The following GOSR2 variants were observed in gnomAD, a reference collection of about 807,000 sequenced individuals.
GOSR2 encodes golgi SNAP receptor complex member 2, also known as 27 kDa Golgi SNARE protein.
A neutral mutation model predicts 27.9 loss-of-function variants in GOSR2; 20 were observed. The ratio of observed to expected loss-of-function variants is 0.72; its 90% confidence interval spans 0.50 to 1.04. The LOEUF is 1.04. Ranked by LOEUF, GOSR2 falls within the 50% of genes least tolerant of loss-of-function variation. GOSR2 has a pLI of 0.00. For synonymous variants in GOSR2, 91 were observed against 98.8 expected (o/e 0.92, Z 0.47); for missense variants, 261 against 270.5 (o/e 0.97, Z 0.25).
intron 5 of GOSR2, 120 bp downstream of exon 5, chr17:46,935,289 C>T (rs747793719): frequency 9.5e-6 from 15 of 1,580,650 alleles, no homozygotes; most frequent in African/African-American, 9.5e-5. Flanking sequence ...GATGACAAGA[C>T]AGAGCCCTTG....
chr17:46,925,376 G>T (rs1249974968), intron 1 of GOSR2, among the ~76,000 whole-genome samples: 1 of 152,204 alleles, frequency 6.6e-6, no homozygotes, highest in Non-Finnish European at 1.5e-5. Flanking sequence ...CCTACTATGT[G>T]CTGTGCACCA....
chr17:46,931,717 G>A, intron 3 of GOSR2: 1 of 342,664 alleles, frequency 2.9e-6, no homozygotes, highest in Non-Finnish European at 5.3e-6. Flanking sequence ...TTACCTCAAA[G>A]ATGCCCTTGG....
chr17:46,973,140 A>C (rs1252527321), intron 6 of GOSR2: 1 of 153,308 alleles, frequency 6.5e-6, no homozygotes, highest in Admixed American at 6.6e-5. Context: ...ACATGTGTAC[A>C]CGTATACCTT....
At position 46,929,589 on chromosome 17, in the gene GOSR2, G is replaced by A. The variant is rs754004382; in HGVS notation, c.94+5G>A. 42 of 1,403,792 alleles carry A rather than the reference G, an allele frequency of 3.0e-5. No individual in the cohort carries two copies. The highest frequency in any genetic ancestry group is 4.2e-5 in the Non-Finnish European group (41 of 987,798). The allele number at this position is 1,403,792 out of a possible 1,614,324, so 87.0% of individuals were successfully genotyped here. On this transcript the variant is annotated splice_donor_5th_base_variant and intron_variant, in intron 2 of 5. Transcript: ENST00000640051. ...CAGACAAGCAGTCTGTGCACAGTGA[G>A]TAATTAACTGTGGAGACCAGAGTCC... is the stretch of plus-strand genomic sequence containing the variant.
chr17:46,936,282 G>T (rs2088330022), intron 5 of GOSR2: 3 of 985,296 alleles, frequency 3.0e-6, no homozygotes, highest in African/African-American at 3.5e-5. Context: ...GGCCTTTTAG[G>T]ACCAAACTCC....
chr17:46,967,202 C>T (rs911817004), downstream of GOSR2, among the ~76,000 whole-genome samples: 3 of 152,232 alleles, frequency 2.0e-5, no homozygotes, highest in Non-Finnish European at 4.4e-5. Flanking sequence ...GTGTTACCTC[C>T]TGGTTTGGAG....
rs972777839 is a variant in GOSR2, at chr17:46,939,387, A to G, written c.*627A>G. On this transcript the variant is annotated 3_prime_UTR_variant, in exon 6 of 6. Transcript: ENST00000640051. ...GATAACAAGTAAGATTTTCCACACT[A>G]CAGCTGGGTGTTTCTCTTTTCTAAA... 1.0e-6 allele frequency: 1 copy of G among 998,126 alleles called. No homozygotes were observed. Among genetic ancestry groups the G allele is most frequent in the Non-Finnish European group, 1.2e-6 (1 of 836,026 alleles). The allele number at this position is 998,126 out of a possible 1,614,324, so 61.8% of individuals were successfully genotyped here.
Position 46,932,123 on chromosome 17 carries a change from TC to T in GOSR2, c.262del (p.Gln88SerfsTer55), listed in dbSNP as rs776869841. 3 of 1,613,886 alleles carry T rather than the reference TC, an allele frequency of 1.9e-6. No individual in the cohort carries two copies. The Admixed American group carries it at 5.0e-5, about 27-fold the overall frequency. On this transcript the variant is annotated frameshift_variant, in exon 4 of 6. Coordinates refer to ENST00000640051, the MANE Select transcript of GOSR2 (RefSeq NM_004287.5). LOFTEE classifies it high-confidence loss of function. ...VQHLQTALRN[F>X]QHRRHAREQQ... ...CACCTGCAGACTGCGCTCAGAAACT[TC>T]CAGCATCGGCGCCATGCAAGGGAGC...
intron 6 of GOSR2, among the ~76,000 whole-genome samples, chr17:46,950,046 C>T (rs1301074035): frequency 3.3e-5 from 5 of 152,252 alleles, no homozygotes; most frequent in African/African-American, 1.2e-4. Flanking sequence ...AACCAAATCC[C>T]AAAGAGAGGC....
intron 6 of GOSR2, among the ~76,000 whole-genome samples, chr17:46,974,987 C>CT (rs58438726): frequency 0.01 from 1,226 of 118,924 alleles, 78 homozygotes; most frequent in African/African-American, 0.038. Flanking sequence ...TTACTATTTT[C>CT]TTTTTTTTTT....
At chr17:46,928,711 C>T (rs2086858996) in intron 1 of GOSR2, among the ~76,000 whole-genome samples, 1 of 152,162 alleles carries the variant, frequency 6.6e-6, no homozygotes, top group Non-Finnish European at 1.5e-5. Flanking sequence ...GAATGGTTTC[C>T]TCCAGTGAGT....
intron 4 of GOSR2, chr17:46,933,095 T>G (rs565086473): frequency 6.6e-6 from 1 of 152,256 alleles, no homozygotes; most frequent in Admixed American, 6.5e-5. Context: ...TTCAAAAATT[T>G]AATGAACTAT....
chr17:46,961,193 GGGTAA>G (rs1345247872), intron 6 of GOSR2, among the ~76,000 whole-genome samples: 1 of 152,008 alleles, frequency 6.6e-6, no homozygotes, highest in African/African-American at 2.4e-5. Flanking sequence ...AAAAATGGAA[GGGTAA>G]CCACTAAAAA....
chr17:46,929,833 G>T, intron 2 of GOSR2: 1 of 494,758 alleles, frequency 2.0e-6, no homozygotes, highest in Non-Finnish European at 3.7e-6. Context: ...GAATGGAAGC[G>T]CTTGCCTCCA....
intron 3 of GOSR2, 91 bp downstream of exon 3, chr17:46,931,298 C>T (rs1398238528): frequency 6.6e-6 from 5 of 760,848 alleles, no homozygotes; most frequent in Non-Finnish European, 1.2e-5. Flanking sequence ...ATTCTGAAAA[C>T]CAACGTACAT....
At chr17:46,923,987 CAACAT>C (rs1194268972) in intron 1 of GOSR2, 1 of 397,004 alleles carries the variant, frequency 2.5e-6, no homozygotes, top group Admixed American at 4.4e-5. Flanking sequence ...AAAATATACA[CAACAT>C]AAGATTTACT....
intron 6 of GOSR2, among the ~76,000 whole-genome samples, chr17:46,957,352 C>T (rs1303495417): frequency 6.6e-6 from 1 of 152,164 alleles, no homozygotes; most frequent in African/African-American, 2.4e-5. Context: ...GTGGCTCACG[C>T]CTGTATTCCC....
chr17:46,931,645 A>G lies in GOSR2; in HGVS notation c.204-422A>G, dbSNP rs1201198018. 3.6e-5 allele frequency: 9 copies of G among 252,730 alleles called. No homozygotes were observed. The East Asian group carries it at 6.9e-4, about 19-fold the overall frequency. 15.7% of individuals were successfully genotyped at this position (252,730 alleles called of 1,614,324 possible). On this transcript the variant is annotated intron_variant, in intron 3 of 5. Coordinates refer to ENST00000640051, the MANE Select transcript of GOSR2 (RefSeq NM_004287.5). ...TCCAGCATGAAATTAAAATGAAACC[A>G]CCCTTGCCACCTCCACCCCCAGCGC...
downstream of GOSR2, among the ~76,000 whole-genome samples, chr17:46,946,896 G>A (rs544062627): frequency 6.6e-6 from 1 of 152,276 alleles, no homozygotes; most frequent in Admixed American, 6.5e-5. Context: ...GAGATGTCGC[G>A]GGGCAGCAGT....
Sources: gnomAD v4.1 joint callset for allele counts (sites outside exome capture counted in the v4.1 genomes callset) on GRCh38, gnomAD v4.1.1 for gene constraint, MANE v1.5 for transcripts, NCBI Gene and HGNC (gene_info 2026-07-23, HGNC 2026-07-21) for gene names.